XIRP2: variants seen among roughly 807,000 people sequenced by gnomAD.
The protein encoded by XIRP2 is xin actin binding repeat containing 2, also known as xin actin-binding repeat-containing protein 2.
In XIRP2, 236 loss-of-function variants were observed where a neutral mutation model predicts 277.0. The ratio of observed to expected loss-of-function variants is 0.85; its 90% CI spans 0.77 to 0.95. The LOEUF (loss-of-function observed/expected upper bound fraction) is 0.95, where lower values mean the gene tolerates loss of function less well. Ranked by LOEUF, XIRP2 falls within the 40% of genes least tolerant of loss-of-function variation. The probability of loss-of-function intolerance (pLI) is 0.00; values close to 1 mark genes in which losing one functional copy is unlikely to be tolerated. For missense variants in XIRP2, 4,640 were observed against 4,157.5 expected, an observed-to-expected ratio of 1.12 and a Z score of -3.19; for synonymous variants, 1,490 against 1,416.5, an observed-to-expected ratio of 1.05 and a Z score of -1.17.
At chr2:166,971,432 G>A (rs2105420400) in intron 2 of XIRP2, among the ~76,000 whole-genome samples, 1 of 151,990 alleles carries the variant, frequency 6.6e-6, no homozygotes, top group South Asian at 2.1e-4. Flanking sequence ...ATTAACTTGG[G>A]GAGAATTTTA....
chr2:167,124,347 A>G (rs139908021), intron 2 of XIRP2: 10 of 152,228 alleles, frequency 6.6e-5, no homozygotes, highest in East Asian at 3.9e-4. Flanking sequence ...TAGAGATATA[A>G]ATTATGTTTT....
chr2:167,255,552 T>G (rs912999331), intron 10 of XIRP2, among the ~76,000 whole-genome samples: 5 of 151,852 alleles, frequency 3.3e-5, no homozygotes, highest in Non-Finnish European at 7.4e-5. Context: ...GCAAGTATCA[T>G]CTATTAGCAC....
chr2:167,033,531 C>T (rs1008846530), intron 2 of XIRP2, among the ~76,000 whole-genome samples: 1 of 152,046 alleles, frequency 6.6e-6, no homozygotes, highest in African/African-American at 2.4e-5. Flanking sequence ...GGTTATAGAA[C>T]AAGCAGATTT....
intron 3 of XIRP2, among the ~76,000 whole-genome samples, chr2:167,163,962 T>C (rs73019987): frequency 0.099 from 15,036 of 152,172 alleles, 796 homozygotes; most frequent in South Asian, 0.16. Context: ...ACATAATACA[T>C]TGTATTCTGT....
intron 3 of XIRP2, among the ~76,000 whole-genome samples, chr2:167,159,001 A>G (rs1297514386): frequency 1.3e-5 from 2 of 152,116 alleles, no homozygotes; most frequent in African/African-American, 4.8e-5. Flanking sequence ...CAAGAAAGAA[A>G]TGAATCTGGA....
chr2:166,891,545 A>C (rs1175620860), intron 1 of XIRP2, among the ~76,000 whole-genome samples: 2 of 152,166 alleles, frequency 1.3e-5, no homozygotes, highest in Non-Finnish European at 2.9e-5. Flanking sequence ...GAATCTCTTA[A>C]CTAATTTCTT....
chr2:167,210,175 A>G (rs1441683065), intron 3 of XIRP2, among the ~76,000 whole-genome samples: 1 of 152,222 alleles, frequency 6.6e-6, no homozygotes, highest in African/African-American at 2.4e-5. Flanking sequence ...CAATATTTGC[A>G]TATTTTAGCT....
chr2:166,968,211 A>C (rs758616681), intron 2 of XIRP2, among the ~76,000 whole-genome samples: 8 of 151,946 alleles, frequency 5.3e-5, no homozygotes, highest in Non-Finnish European at 1.2e-4. Context: ...TTCAGTGATG[A>C]CATGGAGGGC....
intron 3 of XIRP2, among the ~76,000 whole-genome samples, chr2:167,179,345 A>G (rs59196742): frequency 0.1 from 13,210 of 126,872 alleles, 1,176 homozygotes; most frequent in African/African-American, 0.27. Context: ...TTTTGAGACA[A>G]AGTCTCTCCC....
At chr2:167,067,145 C>G (rs961163446) in intron 2 of XIRP2, among the ~76,000 whole-genome samples, 2 of 151,968 alleles carry the variant, frequency 1.3e-5, no homozygotes, top group Non-Finnish European at 2.9e-5. Flanking sequence ...CCTTTCTATT[C>G]CTTTCCCGAG....
At chr2:167,029,253 G>A (rs981739393) in intron 2 of XIRP2, among the ~76,000 whole-genome samples, 1 of 152,022 alleles carries the variant, frequency 6.6e-6, no homozygotes, top group East Asian at 1.9e-4. Flanking sequence ...TGTTTAACAG[G>A]TGTGGTGAGA....
intron 2 of XIRP2, among the ~76,000 whole-genome samples, chr2:167,008,834 A>C (rs1000544158): frequency 6.6e-6 from 1 of 151,418 alleles, no homozygotes; most frequent in African/African-American, 2.4e-5. Context: ...TATATTTCAT[A>C]TTTTCTTAGT....
chr2:167,164,799 C>T (rs1692473796), intron 3 of XIRP2, among the ~76,000 whole-genome samples: 1 of 138,682 alleles, frequency 7.2e-6, no homozygotes, highest in African/African-American at 3.2e-5. Flanking sequence ...CACCACTTAC[C>T]CCTCCCATTC....
intron 2 of XIRP2, among the ~76,000 whole-genome samples, chr2:166,998,069 A>G (rs1207379749): frequency 6.6e-6 from 1 of 152,166 alleles, no homozygotes; most frequent in Non-Finnish European, 1.5e-5. Flanking sequence ...TTTCTTCAGA[A>G]TACACATAAA....
chr2:167,124,782 T>A (rs560240274), intron 2 of XIRP2, among the ~76,000 whole-genome samples: 39 of 152,282 alleles, frequency 2.6e-4, no homozygotes, highest in African/African-American at 8.9e-4. Flanking sequence ...GGAATTTCTA[T>A]AGAAAATGGT....
intron 3 of XIRP2, among the ~76,000 whole-genome samples, chr2:167,187,930 A>C (rs1366957956): frequency 6.6e-6 from 1 of 152,194 alleles, no homozygotes; most frequent in Non-Finnish European, 1.5e-5. Flanking sequence ...GAGGGAAAGG[A>C]AGAGTTTACA....
At chr2:167,057,664 C>A (rs1412828472) in intron 2 of XIRP2, among the ~76,000 whole-genome samples, 1 of 152,116 alleles carries the variant, frequency 6.6e-6, no homozygotes, top group Non-Finnish European at 1.5e-5. Context: ...CGACAGTTTA[C>A]AATCACTTGG....
chr2:166,986,831 T>C (rs555742242), intron 2 of XIRP2, among the ~76,000 whole-genome samples: 1 of 152,354 alleles, frequency 6.6e-6, no homozygotes, highest in East Asian at 1.9e-4. Context: ...AGCATAAATA[T>C]GTTGTCCTAA....
At position 167,250,029 on chromosome 2, in the gene XIRP2, T is replaced by C. The variant is rs1695424892; in HGVS notation, c.8637T>C (p.Ser2879=). Reference sequence around the variant, plus strand: ...AAACACAAATACAGACCGCTGAAAGTAAAGCTGAACATAAAAAATTGCCCC... The same window carrying C: ...AAACACAAATACAGACCGCTGAAAGCAAAGCTGAACATAAAAAATTGCCCC... ...FQQTQIQTAE[S]KAEHKKLPQP... The change falls in exon 9 of 11, where the codon AGT becomes AGC. Residue 2879 remains serine (S), a synonymous_variant. Coordinates refer to ENST00000409195, the MANE Select transcript of XIRP2 (RefSeq NM_152381.6). 1 of 1,613,398 alleles carries C rather than the reference T, an allele frequency of 6.2e-7. No homozygotes were observed. The highest frequency in any genetic ancestry group is 1.3e-5 in the African/African-American group (1 of 74,844).
Sources: allele counts gnomAD v4.1 joint callset (sites outside exome capture counted in the v4.1 genomes callset), GRCh38; gene constraint gnomAD v4.1.1; transcripts MANE v1.5; gene names NCBI Gene and HGNC (gene_info 2026-07-23, HGNC 2026-07-21).